Variants in PRKG1 observed in about 807,000 individuals in gnomAD.
PRKG1 encodes the protein cGMP-dependent protein kinase 1.
PRKG1 carries 35 observed loss-of-function variants against 88.1 expected under a neutral mutation model. The observed-to-expected ratio is 0.40, with a 90% CI of 0.30 to 0.53. The LOEUF (loss-of-function observed/expected upper bound fraction) is 0.53. Among genes scored for constraint, PRKG1 ranks in the 20% least tolerant of loss-of-function variants. The pLI is 0.59. For missense variants in PRKG1, 540 were observed against 839.8 expected, an observed-to-expected ratio of 0.64 and a Z score of 4.41; for synonymous variants, 303 against 292.5, an observed-to-expected ratio of 1.04 and a Z score of -0.37.
intron 5 of PRKG1, among the ~76,000 whole-genome samples, chr10:51,957,253 C>A (rs1183020911): frequency 1.0e-5 from 1 of 96,242 alleles, no homozygotes; most frequent in East Asian, 3.3e-4. Flanking sequence ...TCTTTTCTTT[C>A]ATACATAGCT....
At chr10:51,329,137 C>G (rs1278152746) in intron 2 of PRKG1, among the ~76,000 whole-genome samples, 1 of 152,094 alleles carries the variant, frequency 6.6e-6, no homozygotes, top group Non-Finnish European at 1.5e-5. Context: ...AAATTCATTG[C>G]CCAGGCCAAT....
chr10:52,166,799 A>ATATATG (rs530936087), intron 9 of PRKG1, among the ~76,000 whole-genome samples: 47,374 of 68,692 alleles, frequency 0.69, 14,072 homozygotes, highest in Admixed American at 0.75. Context: ...ATATATATAC[A>ATATATG]TATATATATG....
At chr10:51,162,684 G>T (rs1038645423) in intron 2 of PRKG1, among the ~76,000 whole-genome samples, 2 of 152,044 alleles carry the variant, frequency 1.3e-5, no homozygotes, top group African/African-American at 4.8e-5. Context: ...TTATTCATAA[G>T]AATATATAGG....
At chr10:52,153,847 G>T (rs893171897) in intron 8 of PRKG1, among the ~76,000 whole-genome samples, 1 of 152,124 alleles carries the variant, frequency 6.6e-6, no homozygotes, top group African/African-American at 2.4e-5. Context: ...CCGGGTTCAA[G>T]TGATTCTCCT....
chr10:51,686,959 A>G (rs372454840), intron 3 of PRKG1, among the ~76,000 whole-genome samples: 1 of 151,492 alleles, frequency 6.6e-6, no homozygotes, highest in Non-Finnish European at 1.5e-5. Flanking sequence ...CAGGTCTCAA[A>G]CTCCTGATCC....
intron 5 of PRKG1, among the ~76,000 whole-genome samples, chr10:51,956,203 T>G (rs1182252005): frequency 6.6e-6 from 1 of 152,094 alleles, no homozygotes; most frequent in Non-Finnish European, 1.5e-5. Flanking sequence ...GATTATTATT[T>G]TGTTGGTATT....
chr10:51,786,636 T>A (rs1838737386), intron 3 of PRKG1, among the ~76,000 whole-genome samples: 1 of 152,142 alleles, frequency 6.6e-6, no homozygotes, highest in Non-Finnish European at 1.5e-5. Flanking sequence ...TCTTTATTGA[T>A]CTCTCTTCTA....
At chr10:50,994,789 C>A (rs1404359864) in intron 1 of PRKG1, among the ~76,000 whole-genome samples, 17 of 140,980 alleles carry the variant, frequency 1.2e-4, no homozygotes, top group Non-Finnish European at 2.4e-4. Context: ...TGGATTCAAC[C>A]AACTGAGGAT....
intron 1 of PRKG1, among the ~76,000 whole-genome samples, chr10:51,035,083 G>C (rs1843336655): frequency 6.6e-6 from 1 of 152,034 alleles, no homozygotes. Flanking sequence ...TCGTAAAAGG[G>C]AGACAGCAAA....
intron 5 of PRKG1, among the ~76,000 whole-genome samples, chr10:52,024,719 C>A (rs576220631): frequency 6.6e-6 from 1 of 152,268 alleles, no homozygotes; most frequent in African/African-American, 2.4e-5. Context: ...TTTCTTAGTC[C>A]AGTCTATCAT....
intron 6 of PRKG1, among the ~76,000 whole-genome samples, chr10:52,059,699 T>C (rs1387543634): frequency 6.6e-6 from 1 of 151,446 alleles, no homozygotes; most frequent in African/African-American, 2.4e-5. Flanking sequence ...GTCTAATTGT[T>C]CTGGGAATTA....
At chr10:51,377,333 C>T (rs554060242) in intron 2 of PRKG1, among the ~76,000 whole-genome samples, 1 of 152,272 alleles carries the variant, frequency 6.6e-6, no homozygotes, top group South Asian at 2.1e-4. Context: ...TAAGAATATC[C>T]ACCTTAGAGG....
intron 13 of PRKG1, 115 bp downstream of exon 13, chr10:52,281,045 T>C: frequency 8.0e-7 from 1 of 1,247,756 alleles, no homozygotes; most frequent in Admixed American, 2.5e-5. Context: ...TGTAACTTTC[T>C]TAAAAGCAGA....
Position 51,680,099 on chromosome 10 carries a change from A to G in PRKG1, c.593-124486A>G, listed in dbSNP as rs140794162. Among the ~76,000 whole-genome samples, 382 of 152,272 alleles carry G rather than the reference A, an allele frequency of 2.5e-3. 1 individual carries two copies. The highest frequency in any genetic ancestry group is 8.9e-3 in the African/African-American group (368 of 41,564). On this transcript the variant is annotated intron_variant, in intron 3 of 17. Coordinates refer to ENST00000373980, the MANE Select transcript of PRKG1 (RefSeq NM_006258.4). Reference sequence around the variant, plus strand: ...ACACACGGGCCACCACTTCATCTGCATATGGTGTCAATCTGCTCTAGTATT... The same window carrying G: ...ACACACGGGCCACCACTTCATCTGCGTATGGTGTCAATCTGCTCTAGTATT...
At chr10:51,454,656 A>G (rs1179988299) in intron 2 of PRKG1, among the ~76,000 whole-genome samples, 1 of 152,216 alleles carries the variant, frequency 6.6e-6, no homozygotes, top group Non-Finnish European at 1.5e-5. Context: ...CATGTCTTAC[A>G]TGATGGCAGG....
At chr10:51,036,089 C>T (rs1467186207) in intron 1 of PRKG1, among the ~76,000 whole-genome samples, 1 of 152,104 alleles carries the variant, frequency 6.6e-6, no homozygotes, top group Non-Finnish European at 1.5e-5. Context: ...TAGTTAAGTA[C>T]TGACATGCTC....
chr10:51,244,440 T>C (rs1482042803), intron 2 of PRKG1, among the ~76,000 whole-genome samples: 1 of 151,872 alleles, frequency 6.6e-6, no homozygotes, highest in Non-Finnish European at 1.5e-5. Flanking sequence ...GAGTAGATCA[T>C]ATTTATTTAT....
At chr10:51,338,792 C>T (rs895435291) in intron 2 of PRKG1, among the ~76,000 whole-genome samples, 3 of 151,980 alleles carry the variant, frequency 2.0e-5, no homozygotes, top group Non-Finnish European at 4.4e-5. Context: ...TAAATATTAC[C>T]TGAGGTTGAA....
At chr10:52,088,999 A>T (rs1261432792) in intron 7 of PRKG1, among the ~76,000 whole-genome samples, 1 of 152,226 alleles carries the variant, frequency 6.6e-6, no homozygotes, top group Non-Finnish European at 1.5e-5. Flanking sequence ...TTCTGTATTT[A>T]AAAAATGTTA....
Sources: gnomAD v4.1 joint callset for allele counts (sites outside exome capture counted in the v4.1 genomes callset) on GRCh38, gnomAD v4.1.1 for gene constraint, MANE v1.5 for transcripts, NCBI Gene and HGNC (gene_info 2026-07-23, HGNC 2026-07-21) for gene names.